CEP350: variants seen among roughly 807,000 people sequenced by gnomAD.
The protein encoded by CEP350 is centrosome-associated protein 350.
Under a neutral mutation model 331.8 loss-of-function variants are expected in CEP350, and 126 were observed. The ratio of observed to expected loss-of-function variants is 0.38; its 90% CI spans 0.33 to 0.44. CEP350 has a LOEUF of 0.44. CEP350 is among the 20% of genes least tolerant of loss of function. The pLI, the probability that CEP350 is intolerant of heterozygous loss-of-function variation, is 1.00. For synonymous variants in CEP350, 1,200 were observed against 1,259.5 expected, an observed-to-expected ratio of 0.95 and a Z score of 1.00; for missense variants, 3,406 against 3,634.6, an observed-to-expected ratio of 0.94 and a Z score of 1.62.
intron 1 of CEP350, among the ~76,000 whole-genome samples, chr1:179,964,426 T>C (rs900755869): frequency 6.6e-6 from 1 of 152,066 alleles, no homozygotes; most frequent in Non-Finnish European, 1.5e-5. Context: ...GTGATCTTGA[T>C]TTTTTGGAGT....
At chr1:180,062,494 A>G (rs940242007) in intron 26 of CEP350, 128 bp downstream of exon 26, 13 of 1,209,866 alleles carry the variant, frequency 1.1e-5, no homozygotes, top group African/African-American at 6.3e-5. Context: ...ATAAAGTTCT[A>G]TGGATGGGCC....
rs372806618 is a variant in CEP350, at chr1:180,092,708, T to G, written c.6603T>G (p.Asp2201Glu). The G allele has an allele frequency of 4.1e-5, 66 of 1,612,196 alleles. No individual in the cohort carries two copies. The highest frequency in any genetic ancestry group is 5.1e-5 in the Non-Finnish European group (60 of 1,179,058). ...RVNEWDSRTE[D>E]FQTPSPVLRS... Reference sequence around the variant, plus strand: ...ATGAATGGGACAGTCGAACAGAAGATTTTCAGACCCCATCTCCAGTTCTCA... The same window carrying G: ...ATGAATGGGACAGTCGAACAGAAGAGTTTCAGACCCCATCTCCAGTTCTCA... Residue 2201 changes from aspartate to glutamate, a missense_variant, in exon 34 of 38, where the codon GAT (aspartate) becomes GAG (glutamate). By Grantham distance (45) the Asp-to-Glu change is conservative (BLOSUM62 2). Around this residue, in one of 5 missense-constraint regions of CEP350, gnomAD observed 1,415 missense variants for 1,512.3 expected, o/e 0.94. Transcript: ENST00000367607.
At chr1:180,040,538 T>C (rs1229244485) in intron 17 of CEP350, among the ~76,000 whole-genome samples, 4 of 152,028 alleles carry the variant, frequency 2.6e-5, no homozygotes, top group Non-Finnish European at 5.9e-5. Flanking sequence ...TCCTCCCATC[T>C]TGGCCTCCCA....
Position 180,017,215 on chromosome 1 carries a change from T to A in CEP350, c.2174+1245T>A, listed in dbSNP as rs183007807. On this transcript the variant is annotated intron_variant, in intron 11 of 37. Coordinates refer to ENST00000367607, the MANE Select transcript of CEP350 (RefSeq NM_014810.5). ...GAGATAGGTTTTAATTTAGCCAGTG[T>A]GACTCTAGAAGCCTGTGCTTTAACT... is the stretch of plus-strand genomic sequence containing the variant. 1.7e-3 allele frequency among the ~76,000 whole-genome samples: 257 copies of A among 152,334 alleles called. 1 individual carries two copies. Among genetic ancestry groups the A allele is most frequent in the African/African-American group, 6.0e-3 (251 of 41,582 alleles).
In CEP350 at chr1:180,098,887, A is replaced by C. The variant is rs1366261018; in HGVS notation, c.9091A>C (p.Lys3031Gln). The change falls in exon 37 of 38, where the codon AAG becomes CAG. Residue 3031 changes from lysine to glutamine, a missense_variant. Lys to Gln is a moderately conservative substitution (Grantham distance 53). Coordinates refer to ENST00000367607, the MANE Select transcript of CEP350 (RefSeq NM_014810.5). ...IKSFIASEVLKLFSLKKEPNH... is the reference protein window; with the variant it reads ...IKSFIASEVLQLFSLKKEPNH... ...GAGCTTCATAGCAAGTGAAGTACTC[A>C]AGTTGTTCAGTCTTAAAAAGGAGCC... 6.2e-7 allele frequency: 1 copy of C among 1,613,260 alleles called. No homozygotes were observed. Among genetic ancestry groups the C allele is most frequent in the Non-Finnish European group, 8.5e-7 (1 of 1,179,604 alleles).
chr1:180,047,308 T>A (rs1571918051), intron 21 of CEP350, among the ~76,000 whole-genome samples: 1 of 152,270 alleles, frequency 6.6e-6, no homozygotes, highest in African/African-American at 2.4e-5. Flanking sequence ...GTTTGTTGGC[T>A]GAGGAATAGC....
At chr1:180,053,307 A>G (rs543714516) in intron 23 of CEP350, 141 bp downstream of exon 23, 15 of 522,188 alleles carry the variant, frequency 2.9e-5, no homozygotes, top group Non-Finnish European at 4.6e-5. Context: ...TAGTTTTCCT[A>G]TGAAATCTGG....
At chr1:180,008,980 A>G (rs1016327412) in intron 8 of CEP350, among the ~76,000 whole-genome samples, 2 of 152,236 alleles carry the variant, frequency 1.3e-5, no homozygotes, top group African/African-American at 4.8e-5. Flanking sequence ...AAATGTTACA[A>G]AAACATGAGT....
Position 179,996,837 on chromosome 1 carries a change from A to G in CEP350, c.680A>G (p.Asn227Ser), listed in dbSNP as rs777820883. The G allele has an allele frequency of 2.5e-6, 4 of 1,613,674 alleles. No homozygotes were observed. The highest frequency in any genetic ancestry group is 3.4e-6 in the Non-Finnish European group (4 of 1,179,746). Residue 227 changes from asparagine to serine, a missense_variant, in exon 6 of 38, where the codon AAC (asparagine) becomes AGC (serine). This residue lies in a region of CEP350 where 1,857 missense variants were observed against 1,909.2 expected (regional missense o/e 0.97). Transcript: ENST00000367607. ...ASMRTEEEMP[N>S]RTKGSENNLK... ...ATGAGAACTGAGGAAGAAATGCCTA[A>G]CAGAACAAAAGGAAGTGAGAATAAT... is the stretch of plus-strand genomic sequence containing the variant.
chr1:180,071,459 CAAAA>C (rs35037785), intron 27 of CEP350, among the ~76,000 whole-genome samples: 11 of 76,188 alleles, frequency 1.4e-4, no homozygotes, highest in African/African-American at 4.8e-4. Flanking sequence ...AACTCCATCT[CAAAA>C]AAAAAAAAAA....
intron 1 of CEP350, among the ~76,000 whole-genome samples, chr1:179,967,855 G>A (rs1651133225): frequency 6.6e-6 from 1 of 152,160 alleles, no homozygotes; most frequent in African/African-American, 2.4e-5. Context: ...TACCGTGTAA[G>A]ATATTTTCTG....
At position 179,987,236 on chromosome 1, in the gene CEP350, C is replaced by T; in HGVS notation, c.74-4C>T. Reference sequence around the variant, plus strand: ...GATAAAGTAAATATCATTTTTTTTCCCAGCAGATATAACCACATCGTGGGA... The same window carrying T: ...GATAAAGTAAATATCATTTTTTTTCTCAGCAGATATAACCACATCGTGGGA... On this transcript the variant is annotated splice_polypyrimidine_tract_variant and splice_region_variant and intron_variant, in intron 2 of 37. Coordinates refer to ENST00000367607, the MANE Select transcript of CEP350 (RefSeq NM_014810.5). 4.7e-6 allele frequency: 7 copies of T among 1,501,678 alleles called. No homozygotes were observed. The highest frequency in any genetic ancestry group is 1.2e-5 in the South Asian group (1 of 83,304). 93.0% of individuals were successfully genotyped at this position (1,501,678 alleles called of 1,614,324 possible). A position where few individuals can be genotyped will look rare whatever the true frequency, so the allele number is the denominator to read the frequency against.
Position 180,006,451 on chromosome 1 carries a change from C to T in CEP350, c.1133-3C>T. 7.5e-7 allele frequency: 1 copy of T among 1,340,144 alleles called. No individual in the cohort carries two copies. The highest frequency in any genetic ancestry group is 1.8e-4 in the Middle Eastern group (1 of 5,566). 83.0% of individuals were successfully genotyped at this position (1,340,144 alleles called of 1,614,324 possible). A position where few individuals can be genotyped will look rare whatever the true frequency, so the allele number is the denominator to read the frequency against. ...ATTTGCTGTAAATATTTCTGCTTTT[C>T]AGATGATATTTCTATAAAGGAGAAA... On this transcript the variant is annotated splice_polypyrimidine_tract_variant and splice_region_variant and intron_variant, in intron 7 of 37. Transcript: ENST00000367607.
intron 25 of CEP350, among the ~76,000 whole-genome samples, chr1:180,057,422 T>A (rs9425855): frequency 0.57 from 85,988 of 151,808 alleles, 26,253 homozygotes; most frequent in East Asian, 0.72. Flanking sequence ...TTCTACTTAT[T>A]ATCCATAGTT....
chr1:179,966,888 A>G (rs571832900), intron 1 of CEP350, among the ~76,000 whole-genome samples: 6 of 152,308 alleles, frequency 3.9e-5, no homozygotes, highest in Admixed American at 3.9e-4. Flanking sequence ...GCAGTGGACA[A>G]AATGAGTCCA....
intron 22 of CEP350, 91 bp from the exon 23 acceptor site, chr1:180,052,879 G>T (rs1216532512): frequency 5.8e-6 from 3 of 513,828 alleles, no homozygotes; most frequent in Non-Finnish European, 1.0e-5. Flanking sequence ...ATTTATGTTG[G>T]ATTGTCCCAT....
chr1:180,025,340 T>C (rs916262744), intron 14 of CEP350, among the ~76,000 whole-genome samples: 6 of 152,170 alleles, frequency 3.9e-5, no homozygotes, highest in Admixed American at 1.3e-4. Context: ...ATAATAGATA[T>C]GGTAATTTTT....
chr1:180,031,941 C>A (rs1178937016), intron 15 of CEP350, among the ~76,000 whole-genome samples: 3 of 152,108 alleles, frequency 2.0e-5, no homozygotes, highest in African/African-American at 7.2e-5. Flanking sequence ...CAATTCTCAT[C>A]TATTCATCCA....
At chr1:180,041,936 C>A in intron 19 of CEP350, 134 bp downstream of exon 19, 1 of 753,972 alleles carries the variant, frequency 1.3e-6, no homozygotes, top group South Asian at 2.1e-5. Context: ...GGGGCCATAC[C>A]CTATTGAAAT....
Sources: gnomAD v4.1 joint callset for allele counts (sites outside exome capture counted in the v4.1 genomes callset) on GRCh38, gnomAD v4.1.1 for gene constraint, gnomAD v4.1.1 regional missense constraint, MANE v1.5 for transcripts, NCBI Gene and HGNC (gene_info 2026-07-23, HGNC 2026-07-21) for gene names.